Variants in NCOA1 observed in about 807,000 individuals in gnomAD.
NCOA1 encodes the protein nuclear receptor coactivator 1, also known as Hin-2 protein.
Under a neutral mutation model 150.9 loss-of-function variants are expected in NCOA1, and 35 were observed. That is an observed-to-expected ratio of 0.23 (90% CI 0.18 to 0.31). The LOEUF is 0.31. NCOA1 is among the 10% of genes least tolerant of loss of function. NCOA1 has a pLI of 1.00. For missense variants in NCOA1, 1,491 were observed against 1,749.3 expected (o/e 0.85, Z 2.63); for synonymous variants, 590 against 630.0 (o/e 0.94, Z 0.95).
At chr2:24,717,696 C>T (rs187858546) in intron 14 of NCOA1, among the ~76,000 whole-genome samples, 417 of 152,164 alleles carry the variant, frequency 2.7e-3, no homozygotes, top group Non-Finnish European at 4.7e-3. Flanking sequence ...ACAGAATGTA[C>T]AACACAAAGA....
At chr2:24,630,103 C>T (rs1288510930) in intron 3 of NCOA1, among the ~76,000 whole-genome samples, 1 of 152,038 alleles carries the variant, frequency 6.6e-6, no homozygotes, top group Non-Finnish European at 1.5e-5. Flanking sequence ...TCTCGGCCTC[C>T]CAAAGTGCTG....
chr2:24,577,047 C>A (rs535006869), intron 2 of NCOA1, among the ~76,000 whole-genome samples: 1 of 152,100 alleles, frequency 6.6e-6, no homozygotes, highest in African/African-American at 2.4e-5. Context: ...TTCTTTGTTT[C>A]TGTTAGTTGC....
At chr2:24,621,783 C>G (rs1178182033) in intron 3 of NCOA1, among the ~76,000 whole-genome samples, 1 of 152,078 alleles carries the variant, frequency 6.6e-6, no homozygotes, top group Non-Finnish European at 1.5e-5. Flanking sequence ...CCCAGCCTTT[C>G]AGGCAGCTTT....
chr2:24,516,461 G>A (rs1664169264), intron 1 of NCOA1, among the ~76,000 whole-genome samples: 1 of 151,036 alleles, frequency 6.6e-6, no homozygotes, highest in Non-Finnish European at 1.5e-5. Flanking sequence ...CAAAGTGCTG[G>A]GATTACAGGC....
At chr2:24,593,774 A>G (rs1667757359) in intron 3 of NCOA1, among the ~76,000 whole-genome samples, 1 of 152,158 alleles carries the variant, frequency 6.6e-6, no homozygotes, top group Non-Finnish European at 1.5e-5. Flanking sequence ...TCCTGTTGTC[A>G]TGCGTACAGG....
chr2:24,731,801 G>C (rs147482569), intron 17 of NCOA1, among the ~76,000 whole-genome samples: 1 of 152,122 alleles, frequency 6.6e-6, no homozygotes, highest in Non-Finnish European at 1.5e-5. Flanking sequence ...CAGTTTCCCC[G>C]TGTTTAATTT....
intron 20 of NCOA1, among the ~76,000 whole-genome samples, chr2:24,757,539 GCTGT>G (rs1664561910): frequency 6.6e-6 from 1 of 152,062 alleles, no homozygotes; most frequent in Admixed American, 6.6e-5. Flanking sequence ...ATATAAGGAT[GCTGT>G]CTTTGAATCA....
At chr2:24,757,542 G>A (rs779727420) in intron 20 of NCOA1, among the ~76,000 whole-genome samples, 7 of 152,092 alleles carry the variant, frequency 4.6e-5, no homozygotes, top group Non-Finnish European at 1.0e-4. Flanking sequence ...TAAGGATGCT[G>A]TCTTTGAATC....
intron 1 of NCOA1, among the ~76,000 whole-genome samples, chr2:24,499,666 T>C (rs1228974561): frequency 2.6e-5 from 4 of 152,212 alleles, no homozygotes; most frequent in Admixed American, 6.5e-5. Context: ...ACTGTATAAA[T>C]GAGATTGGTC....
chr2:24,583,057 A>C (rs1488830936), intron 2 of NCOA1, among the ~76,000 whole-genome samples: 1 of 152,196 alleles, frequency 6.6e-6, no homozygotes, highest in Admixed American at 6.5e-5. Context: ...AAAAGCAACA[A>C]TAGACAAATG....
intron 1 of NCOA1, among the ~76,000 whole-genome samples, chr2:24,516,969 TATATACAC>T (rs1426869914): frequency 2.8e-4 from 23 of 81,282 alleles, no homozygotes; most frequent in African/African-American, 3.5e-4. Context: ...TATATACGTA[TATATACAC>T]ATATACGTAT....
intron 3 of NCOA1, among the ~76,000 whole-genome samples, chr2:24,637,083 T>TA (rs1553440402): frequency 2.6e-5 from 4 of 151,402 alleles, no homozygotes; most frequent in African/African-American, 2.4e-5. Flanking sequence ...AAATCTTTTT[T>TA]TTATTATTAT....
At chr2:24,568,266 G>A (rs1666594692) in intron 2 of NCOA1, among the ~76,000 whole-genome samples, 1 of 152,176 alleles carries the variant, frequency 6.6e-6, no homozygotes. Flanking sequence ...GGAAGTTAAG[G>A]CCCTAGAACA....
At chr2:24,598,831 A>G (rs1042586897) in intron 3 of NCOA1, among the ~76,000 whole-genome samples, 8 of 152,178 alleles carry the variant, frequency 5.3e-5, no homozygotes, top group African/African-American at 1.9e-4. Flanking sequence ...GGTATATTGC[A>G]TAACTCTGGG....
In NCOA1 at chr2:24,724,904, CT is replaced by C. The variant is rs879602483; in HGVS notation, c.2600-1676del. On this transcript the variant is annotated intron_variant, in intron 14 of 22. Transcript: ENST00000348332. Reference sequence around the variant, plus strand: ...TGACAGAAAGTAAGTGATTATTTCCCTTTTTTTTTGTTGTTTTATTTTGTTG... The same window carrying C: ...TGACAGAAAGTAAGTGATTATTTCCCTTTTTTTTGTTGTTTTATTTTGTTG... Among the ~76,000 whole-genome samples, 136 of 150,532 alleles carry C rather than the reference CT, an allele frequency of 9.0e-4. 1 individual carries two copies. Among genetic ancestry groups the C allele is most frequent in the Admixed American group, 1.5e-3 (23 of 15,098 alleles).
chr2:24,646,705 T>C (rs1572537597), intron 4 of NCOA1, among the ~76,000 whole-genome samples: 1 of 150,628 alleles, frequency 6.6e-6, no homozygotes, highest in African/African-American at 2.4e-5. Context: ...TTTTCTTCTT[T>C]CTTTTTTTTT....
chr2:24,558,069 AT>A (rs536577763), intron 1 of NCOA1, among the ~76,000 whole-genome samples: 2,785 of 149,574 alleles, frequency 0.019, 95 homozygotes, highest in African/African-American at 0.065. Context: ...TGTCTCCATT[AT>A]TTTTTTTTCT....
At chr2:24,664,615 G>A (rs1013344500) in intron 5 of NCOA1, among the ~76,000 whole-genome samples, 2 of 152,012 alleles carry the variant, frequency 1.3e-5, no homozygotes, top group Non-Finnish European at 2.9e-5. Flanking sequence ...GGCTGAGGCA[G>A]AAGAATCACT....
At position 24,652,479 on chromosome 2, in the gene NCOA1, T is replaced by C. The variant is rs1379044416; in HGVS notation, c.-17-6182T>C. ...TATATAAATGCTTCTTCGTGCTAAC[T>C]GCCTGCTAAGCATTTTTAAATATAT... On this transcript the variant is annotated intron_variant, in intron 4 of 22. Transcript: ENST00000348332. Among the ~76,000 whole-genome samples the C allele has an allele frequency of 2.0e-5, 3 of 152,152 alleles. No individual in the cohort carries two copies. In the East Asian group the frequency reaches 5.8e-4, roughly 29 times the overall value.
Sources: allele counts gnomAD v4.1 joint callset (sites outside exome capture counted in the v4.1 genomes callset), GRCh38; gene constraint gnomAD v4.1.1; transcripts MANE v1.5; gene names NCBI Gene and HGNC (gene_info 2026-07-23, HGNC 2026-07-21).